Variants in HPDL observed in about 807,000 individuals in gnomAD.
HPDL encodes the protein 4-hydroxyphenylpyruvate dioxygenase like, also known as 4-hydroxyphenylpyruvate dioxygenase-like protein.
Under a neutral mutation model 9.8 loss-of-function variants are expected in HPDL, and 7 were observed. The ratio of observed to expected loss-of-function variants is 0.71; its 90% CI spans 0.41 to 1.34. The LOEUF (loss-of-function observed/expected upper bound fraction) is 1.34, where lower values mean the gene tolerates loss of function less well. Among genes scored for constraint, HPDL ranks in the 40% most tolerant of loss-of-function variants. The probability of loss-of-function intolerance (pLI) is 0.01; values close to 1 mark genes in which losing one functional copy is unlikely to be tolerated. For missense variants in HPDL, 530 were observed against 495.1 expected (o/e 1.07, Z -0.67); for synonymous variants, 250 against 228.2 (o/e 1.10, Z -0.86).
chr1:45,327,874 C>A lies in HPDL; in HGVS notation c.726C>A (p.Asp242Glu). The A allele has an allele frequency of 4.5e-6, 7 of 1,548,726 alleles. No individual in the cohort carries two copies. Among genetic ancestry groups the A allele is most frequent in the Admixed American group, 2.0e-5 (1 of 51,256 alleles). The change falls in exon 1 of 1, where the codon GAC (aspartate) becomes GAA (glutamate). Residue 242 changes from aspartate to glutamate, a missense_variant. Asp to Glu is a conservative substitution (Grantham distance 45, BLOSUM62 2). Coordinates refer to ENST00000334815, the MANE Select transcript of HPDL (RefSeq NM_032756.4). The surrounding 1 kb of genome is among the most constrained non-coding windows in gnomAD (Gnocchi z 6.3). ...TTCCGGGGGCGACGACACGACAGGA[C>A]CAGGTGGAGCAGTTCCTGGCCCGGC... ...ESLPGATTRQ[D>E]QVEQFLARHK...
chr1:45,327,047 TC>T lies in HPDL; in HGVS notation c.-98del. ...ACGCGCTCTGCGGGGTGAGCCGGAC[TC>T]CCCAACTCCGGACGATCAGCCCAGG... On this transcript the variant is annotated 5_prime_UTR_variant, in exon 1 of 1. Transcript: ENST00000334815. The surrounding 1 kb of genome is among the most constrained non-coding windows in gnomAD (Gnocchi z 6.3). The T allele has an allele frequency of 8.2e-7, 1 of 1,219,586 alleles. No individual in the cohort carries two copies. The highest frequency in any genetic ancestry group is 1.1e-6 in the Non-Finnish European group (1 of 917,490). 75.5% of individuals were successfully genotyped at this position (1,219,586 alleles called of 1,614,324 possible). A position where few individuals can be genotyped will look rare whatever the true frequency, so the allele number is the denominator to read the frequency against.
At position 45,328,340 on chromosome 1, in the gene HPDL, G is replaced by A; in HGVS notation, c.*76G>A. On this transcript the variant is annotated 3_prime_UTR_variant, in exon 1 of 1. Transcript: ENST00000334815. ...AGCACAGAACTGAGGAACATCTGCA[G>A]GAGGCCCAACTAGTGAAAGGCTTTG... 2.0e-6 allele frequency: 3 copies of A among 1,487,460 alleles called. No individual in the cohort carries two copies. The highest frequency in any genetic ancestry group is 2.7e-6 in the Non-Finnish European group (3 of 1,102,402). 92.1% of individuals were successfully genotyped at this position (1,487,460 alleles called of 1,614,324 possible). A position where few individuals can be genotyped will look rare whatever the true frequency, so the allele number is the denominator to read the frequency against.
Position 45,328,071 on chromosome 1 carries a change from C to T in HPDL, c.923C>T (p.Ala308Val). The change falls in exon 1 of 1, where the codon GCT (alanine) becomes GTT (valine). Residue 308 changes from alanine (A) to valine (V), a missense_variant. Physicochemically the swap from Ala to Val is moderately conservative, Grantham distance 64. Transcript: ENST00000334815. Reference protein sequence around the residue: ...RAAGHEPHLLARQGILLDGDK... With the variant: ...RAAGHEPHLLVRQGILLDGDK... ...GCAGGGCACGAGCCTCATCTGCTTG[C>T]TCGACAGGGGATCCTGCTAGATGGT... is the stretch of plus-strand genomic sequence containing the variant. 1 of 1,614,236 alleles carries T rather than the reference C, an allele frequency of 6.2e-7. No individual in the cohort carries two copies. The highest frequency in any genetic ancestry group is 1.1e-5 in the South Asian group (1 of 91,088).
Position 45,327,560 on chromosome 1 carries a change from T to C in HPDL, c.412T>C (p.Tyr138His). The C allele has an allele frequency of 1.2e-6, 2 of 1,609,824 alleles. No homozygotes were observed. Among genetic ancestry groups the C allele is most frequent in the Non-Finnish European group, 1.7e-6 (2 of 1,179,728 alleles). Residue 138 changes from tyrosine (Y) to histidine (H), a missense_variant, in exon 1 of 1, where the codon TAC becomes CAC. By Grantham distance (83) the Tyr-to-His change is moderately conservative. Coordinates refer to ENST00000334815, the MANE Select transcript of HPDL (RefSeq NM_032756.4). The surrounding 1 kb of genome is among the most constrained non-coding windows in gnomAD (Gnocchi z 6.3). ...LSLTLLERAG[Y>H]RGPFLPGFRP... The stretch of plus-strand genomic sequence containing the variant: ...CCTGACCTTGCTGGAGCGCGCTGGC[T>C]ACCGCGGACCCTTCCTACCCGGCTT...
rs1644272523 is a variant in HPDL, at chr1:45,328,492, T to C, written c.*228T>C. 1.8e-5 allele frequency: 9 copies of C among 487,296 alleles called. No individual in the cohort carries two copies. Among genetic ancestry groups the C allele is most frequent in the Admixed American group, 7.0e-5 (2 of 28,536 alleles). 30.2% of individuals were successfully genotyped at this position (487,296 alleles called of 1,614,324 possible). A position where few individuals can be genotyped will look rare whatever the true frequency, so the allele number is the denominator to read the frequency against. ...TCTTATATACAGTCTATAATAAATA[T>C]GTAAGATACAAAGAACAATAAAAGA... is the stretch of plus-strand genomic sequence containing the variant. On this transcript the variant is annotated 3_prime_UTR_variant, in exon 1 of 1. Transcript: ENST00000334815.
Position 45,326,907 on chromosome 1 carries a change from T to A in HPDL, c.-242T>A. The A allele has an allele frequency of 2.4e-6, 1 of 422,508 alleles. No homozygotes were observed. Among genetic ancestry groups the A allele is most frequent in the East Asian group, 3.6e-5 (1 of 28,122 alleles). 26.2% of individuals were successfully genotyped at this position (422,508 alleles called of 1,614,324 possible). On this transcript the variant is annotated 5_prime_UTR_variant, in exon 1 of 1. Coordinates refer to ENST00000334815, the MANE Select transcript of HPDL (RefSeq NM_032756.4). Reference sequence around the variant, plus strand: ...CCGCGTGGTTCTCACAACCAGCAGCTCGGCTCACTGAGACCCGGTGGTCCA... The same window carrying A: ...CCGCGTGGTTCTCACAACCAGCAGCACGGCTCACTGAGACCCGGTGGTCCA...
chr1:45,327,828 C>G lies in HPDL; in HGVS notation c.680C>G (p.Thr227Ser), dbSNP rs753042060. The G allele has an allele frequency of 5.1e-6, 8 of 1,564,422 alleles. No individual in the cohort carries two copies. The highest frequency in any genetic ancestry group is 4.3e-6 in the Non-Finnish European group (5 of 1,153,872). Residue 227 changes from threonine to serine, a missense_variant, in exon 1 of 1, where the codon ACT becomes AGT. By Grantham distance (58) the Thr-to-Ser change is moderately conservative (BLOSUM62 1). Transcript: ENST00000334815. The surrounding 1 kb of genome is among the most constrained non-coding windows in gnomAD (Gnocchi z 6.3). ...LQAQPGSIVP[T>S]LVLAESLPGA... ...GCCCAGCCGGGCAGCATTGTCCCCA[C>G]TCTTGTTCTGGCTGAGTCCCTTCCG...
chr1:45,327,022 A>C lies in HPDL; in HGVS notation c.-127A>C. On this transcript the variant is annotated 5_prime_UTR_variant, in exon 1 of 1. Transcript: ENST00000334815. The surrounding 1 kb of genome is among the most constrained non-coding windows in gnomAD (Gnocchi z 6.3). ...ACTTCTTTCCGGAAGAAAGCGAGGA[A>C]CGCGCTCTGCGGGGTGAGCCGGACT... 1.0e-6 allele frequency: 1 copy of C among 953,546 alleles called. No homozygotes were observed. The highest frequency in any genetic ancestry group is 1.4e-6 in the Non-Finnish European group (1 of 694,200). 59.1% of individuals were successfully genotyped at this position (953,546 alleles called of 1,614,324 possible).
chr1:45,327,205 G>GC lies in HPDL; in HGVS notation c.61dup (p.Leu21ProfsTer175). The GC allele has an allele frequency of 1.3e-6, 2 of 1,597,146 alleles. No individual in the cohort carries two copies. Among genetic ancestry groups the GC allele is most frequent in the Non-Finnish European group, 1.7e-6 (2 of 1,171,750 alleles). ...TCGCCTTCCACGTGCCCGCCGGGCA[G>GC]CCCCTAGCCCGGAACCTGCAGCGCC... On this transcript the variant is annotated frameshift_variant, in exon 1 of 1. Coordinates refer to ENST00000334815, the MANE Select transcript of HPDL (RefSeq NM_032756.4). LOFTEE classifies it low-confidence loss of function (END_TRUNC). This position sits in a 1 kb window ranked among gnomAD's most constrained non-coding sequence, Gnocchi z 6.3.
rs763386678 is a variant in HPDL, at chr1:45,328,370, C to G, written c.*106C>G. ...CCCAACTAGTGAAAGGCTTTGCCTC[C>G]GGGGGGCAGGTGTGACTTCCATTTC... On this transcript the variant is annotated 3_prime_UTR_variant, in exon 1 of 1. Coordinates refer to ENST00000334815, the MANE Select transcript of HPDL (RefSeq NM_032756.4). 1.4e-5 allele frequency: 17 copies of G among 1,236,848 alleles called. No homozygotes were observed. Among genetic ancestry groups the G allele is most frequent in the Non-Finnish European group, 1.8e-5 (16 of 897,762 alleles). The allele number at this position is 1,236,848 out of a possible 1,614,324, so 76.6% of individuals were successfully genotyped here.
In HPDL at chr1:45,327,988, C is replaced by G. The variant is rs375520160; in HGVS notation, c.840C>G (p.Phe280Leu). Residue 280 changes from phenylalanine to leucine, a missense_variant, in exon 1 of 1, where the codon TTC (phenylalanine) becomes TTG (leucine). Phe to Leu is a conservative substitution (Grantham distance 22). Coordinates refer to ENST00000334815, the MANE Select transcript of HPDL (RefSeq NM_032756.4). The surrounding 1 kb of genome is among the most constrained non-coding windows in gnomAD (Gnocchi z 6.3). Reference protein sequence around the residue: ...TEGVATAGGQFLAPPGAYYQQ... With the variant: ...TEGVATAGGQLLAPPGAYYQQ... The stretch of plus-strand genomic sequence containing the variant: ...GGGTGGCAACTGCTGGAGGCCAGTT[C>G]CTGGCTCCCCCTGGGGCATACTACC... The G allele has an allele frequency of 1.9e-6, 3 of 1,610,782 alleles. No homozygotes were observed. In the East Asian group the frequency reaches 6.7e-5, roughly 36 times the overall value.
Position 45,328,448 on chromosome 1 carries a change from T to C in HPDL, c.*184T>C. On this transcript the variant is annotated 3_prime_UTR_variant, in exon 1 of 1. Transcript: ENST00000334815. ...TCATTGGGCTCCAAAGAGGTGGGAT[T>C]TTTTAAAACTAAAACATTTCTTATA... is the stretch of plus-strand genomic sequence containing the variant. 1.7e-6 allele frequency: 1 copy of C among 592,518 alleles called. No homozygotes were observed. Among genetic ancestry groups the C allele is most frequent in the Non-Finnish European group, 3.0e-6 (1 of 329,974 alleles). 36.7% of individuals were successfully genotyped at this position (592,518 alleles called of 1,614,324 possible). A position where few individuals can be genotyped will look rare whatever the true frequency, so the allele number is the denominator to read the frequency against.
Position 45,327,456 on chromosome 1 carries a change from C to T in HPDL, c.308C>T (p.Pro103Leu). ...CTGGCAGCGCTGGGCTGCAGCGTGC[C>T]TGTCCCTCCCGTTCGCGTGCGGGAC... ...RELAALGCSV[P>L]VPPVRVRDAQ... is the part of the protein sequence containing the mutation. Residue 103 changes from proline to leucine, a missense_variant, in exon 1 of 1, where the codon CCT (proline) becomes CTT (leucine). Transcript: ENST00000334815. The surrounding 1 kb of genome is among the most constrained non-coding windows in gnomAD (Gnocchi z 6.3). 1 of 1,588,786 alleles carries T rather than the reference C, an allele frequency of 6.3e-7. No homozygotes were observed.
rs1298259209 is a variant in HPDL at position 45,327,557 on chromosome 1, GGCT to G, written c.410_412del (p.Gly137_Tyr138delinsAsp). On this transcript the variant is annotated inframe_deletion, in exon 1 of 1. Transcript: ENST00000334815. The surrounding 1 kb of genome is among the most constrained non-coding windows in gnomAD (Gnocchi z 6.3). Reference sequence around the variant, plus strand: ...CAGCCTGACCTTGCTGGAGCGCGCTGGCTACCGCGGACCCTTCCTACCCGGCTT... The same window carrying G: ...CAGCCTGACCTTGCTGGAGCGCGCTGACCGCGGACCCTTCCTACCCGGCTT... The G allele has an allele frequency of 1.2e-6, 2 of 1,609,356 alleles. No individual in the cohort carries two copies. Among genetic ancestry groups the G allele is most frequent in the Admixed American group, 3.3e-5 (2 of 59,956 alleles).
Position 45,328,361 on chromosome 1 carries a change from C to A in HPDL, c.*97C>A, listed in dbSNP as rs1484946755. 5 of 1,335,304 alleles carry A rather than the reference C, an allele frequency of 3.7e-6. No individual in the cohort carries two copies. The highest frequency in any genetic ancestry group is 5.1e-6 in the Non-Finnish European group (5 of 981,890). The allele number at this position is 1,335,304 out of a possible 1,614,324, so 82.7% of individuals were successfully genotyped here. A position where few individuals can be genotyped will look rare whatever the true frequency, so the allele number is the denominator to read the frequency against. ...TGCAGGAGGCCCAACTAGTGAAAGG[C>A]TTTGCCTCCGGGGGGCAGGTGTGAC... is the stretch of plus-strand genomic sequence containing the variant. On this transcript the variant is annotated 3_prime_UTR_variant, in exon 1 of 1. Transcript: ENST00000334815.
Position 45,327,388 on chromosome 1 carries a change from C to A in HPDL, c.240C>A (p.Asn80Lys). ...GTCACGCCGTGCCCAGCGCCACAAACCTGTGCTTCGACGTGGCGGACGCCG... is the reference window on the plus strand; with the variant it reads ...GTCACGCCGTGCCCAGCGCCACAAAACTGTGCTTCGACGTGGCGGACGCCG... ...DPRHAVPSAT[N>K]LCFDVADAGA... Residue 80 changes from asparagine (N) to lysine (K), a missense_variant, in exon 1 of 1, where the codon AAC (asparagine) becomes AAA (lysine). By Grantham distance (94) the Asn-to-Lys change is moderately conservative. Transcript: ENST00000334815. The surrounding 1 kb of genome is among the most constrained non-coding windows in gnomAD (Gnocchi z 6.3). The A allele has an allele frequency of 6.3e-7, 1 of 1,586,948 alleles. No homozygotes were observed. The highest frequency in any genetic ancestry group is 8.5e-7 in the Non-Finnish European group (1 of 1,170,956).
Position 45,328,184 on chromosome 1 carries a change from G to T in HPDL, c.1036G>T (p.Ala346Ser), listed in dbSNP as rs764014580. The change falls in exon 1 of 1, where the codon GCC becomes TCC. Residue 346 changes from alanine (A) to serine (S), a missense_variant. Ala to Ser is a moderately conservative substitution (Grantham distance 99). Transcript: ENST00000334815. Reference sequence around the variant, plus strand: ...CCTGGAGCTGATTCAGAGGCAGGGGGCCACTGGCTTTGGTCAGGGCAACAT... The same window carrying T: ...CCTGGAGCTGATTCAGAGGCAGGGGTCCACTGGCTTTGGTCAGGGCAACAT... ...FFLELIQRQG[A>S]TGFGQGNIRA... The T allele has an allele frequency of 1.2e-6, 2 of 1,614,126 alleles. No homozygotes were observed. Among genetic ancestry groups the T allele is most frequent in the African/African-American group, 2.7e-5 (2 of 74,942 alleles).
chr1:45,328,225 G>A lies in HPDL; in HGVS notation c.1077G>A (p.Gln359=), dbSNP rs779698378. The change falls in exon 1 of 1, where the codon CAG becomes CAA. Residue 359 remains glutamine (Q), a synonymous_variant. Coordinates refer to ENST00000334815, the MANE Select transcript of HPDL (RefSeq NM_032756.4). ...FGQGNIRALW[Q]SVQEQSARSQ... is the part of the protein sequence containing the mutation. Reference sequence around the variant, plus strand: ...AGGGCAACATCAGAGCTCTGTGGCAGTCCGTACAGGAGCAATCTGCCAGGA... The same window carrying A: ...AGGGCAACATCAGAGCTCTGTGGCAATCCGTACAGGAGCAATCTGCCAGGA... 1.8e-5 allele frequency: 29 copies of A among 1,614,242 alleles called. No individual in the cohort carries two copies. The highest frequency in any genetic ancestry group is 2.2e-5 in the Non-Finnish European group (26 of 1,180,034).
chr1:45,328,327 A>T lies in HPDL; in HGVS notation c.*63A>T. ...CTCTGGGGAGACCAGCACAGAACTG[A>T]GGAACATCTGCAGGAGGCCCAACTA... On this transcript the variant is annotated 3_prime_UTR_variant, in exon 1 of 1. Coordinates refer to ENST00000334815, the MANE Select transcript of HPDL (RefSeq NM_032756.4). 1 of 1,528,256 alleles carries T rather than the reference A, an allele frequency of 6.5e-7. No homozygotes were observed. The highest frequency in any genetic ancestry group is 1.2e-5 in the South Asian group (1 of 80,002). The allele number at this position is 1,528,256 out of a possible 1,614,324, so 94.7% of individuals were successfully genotyped here.
Sources: gnomAD v4.1 joint callset for allele counts on GRCh38, gnomAD v4.1.1 for gene constraint, Gnocchi (gnomAD v3.1) non-coding constraint, MANE v1.5 for transcripts, NCBI Gene and HGNC (gene_info 2026-07-23, HGNC 2026-07-21) for gene names.